The following ADGRB3 variants were observed in gnomAD, a reference collection of about 807,000 sequenced individuals.
ADGRB3 encodes adhesion G protein-coupled receptor B3.
Under a neutral mutation model 193.4 loss-of-function variants are expected in ADGRB3, and 37 were observed. The ratio of observed to expected loss-of-function variants is 0.19; its 90% CI spans 0.15 to 0.25. The LOEUF (loss-of-function observed/expected upper bound fraction) is 0.25. ADGRB3 is among the 10% of genes least tolerant of loss of function. The probability of loss-of-function intolerance (pLI) is 1.00; values close to 1 mark genes in which losing one functional copy is unlikely to be tolerated. For synonymous variants in ADGRB3, 690 were observed against 644.2 expected, an observed-to-expected ratio of 1.07 and a Z score of -1.08; for missense variants, 1,637 against 1,852.9, an observed-to-expected ratio of 0.88 and a Z score of 2.14.
intron 16 of ADGRB3, among the ~76,000 whole-genome samples, chr6:69,064,747 G>A (rs1246329557): frequency 2.0e-5 from 3 of 152,072 alleles, no homozygotes; most frequent in Middle Eastern, 3.4e-3. Context: ...AATGAATCAC[G>A]AGACTTTGAT....
chr6:69,338,737 A>G (rs1289416991), intron 24 of ADGRB3, among the ~76,000 whole-genome samples, 179 bp from the exon 25 acceptor site: 1 of 152,250 alleles, frequency 6.6e-6, no homozygotes, highest in African/African-American at 2.4e-5. Context: ...ATTAAAAGGT[A>G]AATGTTACAA....
At chr6:69,233,249 G>A (rs758646606) in intron 17 of ADGRB3, 41 bp from the exon 18 acceptor site, 10 of 1,606,200 alleles carry the variant, frequency 6.2e-6, no homozygotes, top group Non-Finnish European at 8.5e-6. Flanking sequence ...GCTATCAGGC[G>A]TATTTATCCC....
intron 3 of ADGRB3, among the ~76,000 whole-genome samples, chr6:68,702,652 CTAAT>C (rs1165471733): frequency 1.3e-5 from 2 of 152,076 alleles, no homozygotes; most frequent in Non-Finnish European, 2.9e-5. Context: ...ACTCAGCACT[CTAAT>C]TATTTTCCTT....
intron 3 of ADGRB3, among the ~76,000 whole-genome samples, chr6:68,868,452 G>A (rs1765364983): frequency 1.3e-5 from 2 of 152,144 alleles, no homozygotes; most frequent in Non-Finnish European, 2.9e-5. Flanking sequence ...TGAAAATAAA[G>A]TAATGTAACA....
chr6:68,731,994 G>C (rs932743541), intron 3 of ADGRB3, among the ~76,000 whole-genome samples: 9 of 151,576 alleles, frequency 5.9e-5, no homozygotes, highest in African/African-American at 1.9e-4. Flanking sequence ...ATGTGCAGTA[G>C]TACCTGCATG....
At chr6:69,150,955 T>C (rs917181283) in intron 17 of ADGRB3, among the ~76,000 whole-genome samples, 1 of 152,216 alleles carries the variant, frequency 6.6e-6, no homozygotes, top group African/African-American at 2.4e-5. Flanking sequence ...CCCAATCCTA[T>C]TGTGGCTGAG....
Position 68,639,154 on chromosome 6 carries a change from A to G in ADGRB3, c.479A>G (p.Lys160Arg). 2 of 1,614,204 alleles carry G rather than the reference A, an allele frequency of 1.2e-6. No individual in the cohort carries two copies. The highest frequency in any genetic ancestry group is 1.7e-6 in the Non-Finnish European group (2 of 1,180,038). The change falls in exon 3 of 32, where the codon AAG becomes AGG. Residue 160 changes from lysine (K) to arginine (R), a missense_variant. By Grantham distance (26) the Lys-to-Arg change is conservative. This residue lies in a region of ADGRB3 where 365 missense variants were observed against 409.8 expected (regional missense o/e 0.89). Coordinates refer to ENST00000370598, the MANE Select transcript of ADGRB3 (RefSeq NM_001704.3). ...KSFFEFLVLNKVSPSQFGCHV... is the reference protein window; with the variant it reads ...KSFFEFLVLNRVSPSQFGCHV... ...TTTTTTGAGTTTTTGGTATTGAACAAGGTCAGCCCAAGCCAGTTTGGTTGC... is the reference window on the plus strand; with the variant it reads ...TTTTTTGAGTTTTTGGTATTGAACAGGGTCAGCCCAAGCCAGTTTGGTTGC...
chr6:68,853,631 ATTAT>A lies in ADGRB3; in HGVS notation c.758-76923_758-76920del, dbSNP rs148309110. ...TACATAGCTCTCTAAGGGGTGCAAC[ATTAT>A]TTATCTGCTCAATCTGGGAATATTT... On this transcript the variant is annotated intron_variant, in intron 3 of 31. Transcript: ENST00000370598. 2.8e-3 allele frequency among the ~76,000 whole-genome samples: 427 copies of A among 152,212 alleles called. 3 individuals carry two copies. The highest frequency in any genetic ancestry group is 8.8e-3 in the African/African-American group (365 of 41,568).
intron 17 of ADGRB3, among the ~76,000 whole-genome samples, chr6:69,134,250 C>G (rs534319440): frequency 2.0e-5 from 3 of 151,984 alleles, no homozygotes; most frequent in African/African-American, 7.2e-5. Flanking sequence ...CCATTTATGC[C>G]CTCTACCCTC....
chr6:69,236,377 A>G (rs1209952845), intron 19 of ADGRB3, among the ~76,000 whole-genome samples: 1 of 151,998 alleles, frequency 6.6e-6, no homozygotes, highest in Non-Finnish European at 1.5e-5. Context: ...AATCTGATAA[A>G]ATATGTCCAG....
At chr6:69,145,298 A>G (rs1582496508) in intron 17 of ADGRB3, among the ~76,000 whole-genome samples, 1 of 152,156 alleles carries the variant, frequency 6.6e-6, no homozygotes, top group East Asian at 1.9e-4. Context: ...AGGCACTGGT[A>G]TGGGTGCCGG....
intron 17 of ADGRB3, among the ~76,000 whole-genome samples, chr6:69,143,834 C>A (rs972754186): frequency 2.6e-5 from 4 of 152,062 alleles, no homozygotes; most frequent in Non-Finnish European, 4.4e-5. Flanking sequence ...CAGTTTTATT[C>A]TTTCTGCTCA....
intron 3 of ADGRB3, among the ~76,000 whole-genome samples, chr6:68,841,860 G>T (rs1242295839): frequency 6.6e-6 from 1 of 152,070 alleles, no homozygotes; most frequent in Non-Finnish European, 1.5e-5. Flanking sequence ...GTTAACAGAG[G>T]CTAGGAAGGG....
chr6:69,059,472 A>G (rs1310801886), intron 15 of ADGRB3, among the ~76,000 whole-genome samples: 4 of 152,156 alleles, frequency 2.6e-5, no homozygotes, highest in Non-Finnish European at 4.4e-5. Flanking sequence ...TGTGAAGATT[A>G]AGTTGGGTTA....
chr6:68,983,286 T>G (rs1768979222), intron 10 of ADGRB3, among the ~76,000 whole-genome samples: 1 of 151,722 alleles, frequency 6.6e-6, no homozygotes, highest in Non-Finnish European at 1.5e-5. Flanking sequence ...TTTTTAAGCT[T>G]CTCCCAAAGT....
chr6:68,870,804 C>G (rs1421646306), intron 3 of ADGRB3, among the ~76,000 whole-genome samples: 1 of 152,092 alleles, frequency 6.6e-6, no homozygotes, highest in East Asian at 1.9e-4. Context: ...TGAGGCTAGA[C>G]CAGTAAATAT....
intron 3 of ADGRB3, among the ~76,000 whole-genome samples, chr6:68,659,889 TTA>T (rs566367304): frequency 0.011 from 1,618 of 151,198 alleles, 29 homozygotes; most frequent in African/African-American, 0.036. Flanking sequence ...CTAGGAAGGA[TTA>T]ACTACTATTA....
At chr6:69,019,566 A>G (rs1489814880) in intron 13 of ADGRB3, among the ~76,000 whole-genome samples, 1 of 151,996 alleles carries the variant, frequency 6.6e-6, no homozygotes, top group Non-Finnish European at 1.5e-5. Context: ...TCAGATTACA[A>G]TAGGTTATAG....
chr6:69,288,279 T>C (rs746201053), intron 20 of ADGRB3, among the ~76,000 whole-genome samples: 1 of 152,204 alleles, frequency 6.6e-6, no homozygotes, highest in Non-Finnish European at 1.5e-5. Flanking sequence ...CTCCCACTTA[T>C]GAGTGAGAAC....
Sources: gnomAD v4.1 joint callset for allele counts (sites outside exome capture counted in the v4.1 genomes callset) on GRCh38, gnomAD v4.1.1 for gene constraint, gnomAD v4.1.1 regional missense constraint, MANE v1.5 for transcripts, NCBI Gene and HGNC (gene_info 2026-07-23, HGNC 2026-07-21) for gene names.